Variants in SNRPB2 observed in about 807,000 individuals in gnomAD.
SNRPB2 encodes U2 small nuclear ribonucleoprotein B''.
A neutral mutation model predicts 26.3 loss-of-function variants in SNRPB2; 16 were observed. The observed-to-expected ratio is 0.61, with a 90% confidence interval of 0.41 to 0.92. SNRPB2 has a LOEUF of 0.92. SNRPB2 is among the 40% of genes least tolerant of loss of function. The pLI is 0.00. For missense variants in SNRPB2, 179 were observed against 268.1 expected (o/e 0.67, Z 2.32); for synonymous variants, 75 against 89.0 (o/e 0.84, Z 0.88).
chr20:16,737,253 T>TA lies in SNRPB2; in HGVS notation c.238-4dup. ...GAGAAGTAACCTGTTTTCAAATAAT[T>TA]AAAACAGCGAATACAGTATGCAAAA... On this transcript the variant is annotated splice_region_variant and splice_polypyrimidine_tract_variant and intron_variant, in intron 3 of 6. Coordinates refer to ENST00000246071, the MANE Select transcript of SNRPB2 (RefSeq NM_003092.5). 6.4e-7 allele frequency: 1 copy of TA among 1,567,782 alleles called. No homozygotes were observed. Among genetic ancestry groups the TA allele is most frequent in the Non-Finnish European group, 8.6e-7 (1 of 1,163,446 alleles).
At chr20:16,739,430 C>T (rs922618927) in intron 5 of SNRPB2, among the ~76,000 whole-genome samples, 2 of 152,080 alleles carry the variant, frequency 1.3e-5, no homozygotes, top group African/African-American at 4.8e-5. Flanking sequence ...CCATGACATA[C>T]CTCAAAGAGA....
chr20:16,740,133 G>A (rs1017087454), intron 5 of SNRPB2, among the ~76,000 whole-genome samples, 192 bp from the exon 6 acceptor site: 9 of 152,202 alleles, frequency 5.9e-5, no homozygotes, highest in Admixed American at 5.9e-4. Flanking sequence ...ACACTTAAGA[G>A]ATTTGTAATT....
At chr20:16,732,119 C>A in intron 2 of SNRPB2, 45 bp from the exon 3 acceptor site, 3 of 1,210,830 alleles carry the variant, frequency 2.5e-6, no homozygotes, top group South Asian at 2.8e-5. Flanking sequence ...AGACTTTTGT[C>A]ATTACTTTAT....
At chr20:16,735,577 A>G (rs1472431629) in intron 3 of SNRPB2, among the ~76,000 whole-genome samples, 1 of 152,184 alleles carries the variant, frequency 6.6e-6, no homozygotes, top group Non-Finnish European at 1.5e-5. Context: ...TGCTTGTTAC[A>G]AGTGCAGAAT....
In SNRPB2 at chr20:16,737,245, C is replaced by T; in HGVS notation, c.238-16C>T. 1.3e-6 allele frequency: 2 copies of T among 1,558,650 alleles called. No individual in the cohort carries two copies. The highest frequency in any genetic ancestry group is 1.7e-6 in the Non-Finnish European group (2 of 1,158,134). ...TTCAGCATGAGAAGTAACCTGTTTT[C>T]AAATAATTAAAACAGCGAATACAGT... On this transcript the variant is annotated splice_polypyrimidine_tract_variant and intron_variant, in intron 3 of 6. Coordinates refer to ENST00000246071, the MANE Select transcript of SNRPB2 (RefSeq NM_003092.5).
intron 4 of SNRPB2, 129 bp from the exon 5 acceptor site, chr20:16,738,723 A>C (rs2072444227): frequency 3.0e-6 from 2 of 670,006 alleles, no homozygotes; most frequent in Admixed American, 5.5e-5. Flanking sequence ...CTTAAAGTAA[A>C]ATTAAATGGA....
At position 16,741,970 on chromosome 20, in the gene SNRPB2, CAG is replaced by C. The variant is rs1182555485; in HGVS notation, c.*966_*967del. The C allele has an allele frequency of 2.6e-5, 4 of 152,208 alleles. No individual in the cohort carries two copies. The highest frequency in any genetic ancestry group is 5.9e-5 in the Non-Finnish European group (4 of 67,990). The allele number at this position is 152,208 out of a possible 1,614,324, so 9.4% of individuals were successfully genotyped here. A position where few individuals can be genotyped will look rare whatever the true frequency, so the allele number is the denominator to read the frequency against. On this transcript the variant is annotated 3_prime_UTR_variant, in exon 7 of 7. Coordinates refer to ENST00000246071, the MANE Select transcript of SNRPB2 (RefSeq NM_003092.5). ...ATAGTAACAACAACAAAAAAGAAAA[CAG>C]TACTTATTTTTCTGGTGTTCCTGTT...
intron 2 of SNRPB2, among the ~76,000 whole-genome samples, 196 bp from the exon 3 acceptor site, chr20:16,731,968 A>G (rs1422710683): frequency 6.6e-6 from 1 of 152,236 alleles, no homozygotes; most frequent in East Asian, 1.9e-4. Context: ...GTTTCTACTC[A>G]TAGATATAAT....
chr20:16,736,025 T>C (rs1356985432), intron 3 of SNRPB2, among the ~76,000 whole-genome samples: 1 of 152,244 alleles, frequency 6.6e-6, no homozygotes, highest in East Asian at 1.9e-4. Context: ...GTTCTGTGTG[T>C]GTCTGTTTTT....
intron 3 of SNRPB2, among the ~76,000 whole-genome samples, chr20:16,734,338 G>GCAA (rs1414763079): frequency 6.6e-6 from 1 of 152,024 alleles, no homozygotes; most frequent in Non-Finnish European, 1.5e-5. Context: ...GTCTTACTGT[G>GCAA]GTTGTAGTTG....
intron 5 of SNRPB2, 28 bp downstream of exon 5, chr20:16,738,930 C>T: frequency 1.3e-6 from 2 of 1,493,038 alleles, no homozygotes; most frequent in African/African-American, 1.4e-5. Flanking sequence ...TCGTGCTTAC[C>T]TTAAAATAAG....
chr20:16,731,851 T>A, intron 2 of SNRPB2, 85 bp downstream of exon 2: 4 of 1,574,160 alleles, frequency 2.5e-6, no homozygotes, highest in Non-Finnish European at 3.5e-6. Flanking sequence ...CAAAACCTCT[T>A]ACCTCATCAT....
At chr20:16,737,989 A>C (rs1480954461) in intron 4 of SNRPB2, among the ~76,000 whole-genome samples, 1 of 148,430 alleles carries the variant, frequency 6.7e-6, no homozygotes, top group Admixed American at 6.8e-5. Flanking sequence ...CAGTGAGCCG[A>C]GATTGTGCCA....
At position 16,737,864 on chromosome 20, in the gene SNRPB2, G is replaced by A. The variant is rs140656235; in HGVS notation, c.378+463G>A. On this transcript the variant is annotated intron_variant, in intron 4 of 6. Coordinates refer to ENST00000246071, the MANE Select transcript of SNRPB2 (RefSeq NM_003092.5). ...ATCCTGGCTAACACGGTGAAACCCC[G>A]TCTCTACTAAAAATACAAAAAAAAT... Among the ~76,000 whole-genome samples the A allele has an allele frequency of 3.8e-3, 581 of 151,526 alleles. 3 individuals are homozygous for A. The highest frequency in any genetic ancestry group is 0.013 in the African/African-American group (541 of 41,354).
Position 16,732,195 on chromosome 20 carries a change from T to C in SNRPB2, c.96T>C (p.Ser32=). ...AGAGATCCCTATATGCCCTGTTTTC[T>C]CAGTTTGGTCATGTGGTGGACATTG... ...ELKRSLYALF[S]QFGHVVDIVA... is the part of the protein sequence containing the mutation. Residue 32 remains serine, a synonymous_variant, in exon 3 of 7, where the codon TCT becomes TCC. Transcript: ENST00000246071. 1 of 1,602,892 alleles carries C rather than the reference T, an allele frequency of 6.2e-7. No individual in the cohort carries two copies. The highest frequency in any genetic ancestry group is 1.7e-4 in the Middle Eastern group (1 of 6,036).
At chr20:16,732,834 T>C (rs1235539239) in intron 3 of SNRPB2, among the ~76,000 whole-genome samples, 1 of 152,214 alleles carries the variant, frequency 6.6e-6, no homozygotes, top group African/African-American at 2.4e-5. Context: ...TGGTTATGAA[T>C]GGAGAGTTTT....
chr20:16,732,180 A>G lies in SNRPB2; in HGVS notation c.81A>G (p.Leu27=), dbSNP rs531994011. ...KIKKEELKRS[L]YALFSQFGHV... is the part of the protein sequence containing the mutation. Reference sequence around the variant, plus strand: ...TTTGGACAGAATTGAAGAGATCCCTATATGCCCTGTTTTCTCAGTTTGGTC... The same window carrying G: ...TTTGGACAGAATTGAAGAGATCCCTGTATGCCCTGTTTTCTCAGTTTGGTC... The change falls in exon 3 of 7, where the codon CTA becomes CTG. Residue 27 remains leucine (L), a synonymous_variant. Transcript: ENST00000246071. 5.4e-5 allele frequency: 87 copies of G among 1,597,584 alleles called. No homozygotes were observed. The highest frequency in any genetic ancestry group is 7.0e-5 in the Non-Finnish European group (82 of 1,169,450).
rs2072465233 is a variant in SNRPB2 at position 16,741,916 on chromosome 20, A to G, written c.*911A>G. The G allele has an allele frequency of 1.3e-5, 2 of 152,208 alleles. No individual in the cohort carries two copies. Among genetic ancestry groups the G allele is most frequent in the Non-Finnish European group, 2.9e-5 (2 of 68,024 alleles). 9.4% of individuals were successfully genotyped at this position (152,208 alleles called of 1,614,324 possible). ...CCATGGGTATCTCCAGAAGTGGACA[A>G]TTTGTTTTTACAAGTATGGTACATA... On this transcript the variant is annotated 3_prime_UTR_variant, in exon 7 of 7. Transcript: ENST00000246071.
Position 16,740,145 on chromosome 20 carries a change from T to C in SNRPB2, c.430-180T>C, listed in dbSNP as rs573712240. 7.9e-5 allele frequency among the ~76,000 whole-genome samples: 12 copies of C among 152,330 alleles called. No homozygotes were observed. The South Asian group carries it at 2.3e-3, about 29-fold the overall frequency. On this transcript the variant is annotated intron_variant, in intron 5 of 6. Transcript: ENST00000246071. ...TAAACACTTAAGAGATTTGTAATTTTCCAGACTTTCAGTGTCTTTACTTGA... is the reference window on the plus strand; with the variant it reads ...TAAACACTTAAGAGATTTGTAATTTCCCAGACTTTCAGTGTCTTTACTTGA...
Sources: allele counts gnomAD v4.1 joint callset (sites outside exome capture counted in the v4.1 genomes callset), GRCh38; gene constraint gnomAD v4.1.1; transcripts MANE v1.5; gene names NCBI Gene and HGNC (gene_info 2026-07-23, HGNC 2026-07-21).